The following DLGAP2 variants were observed in gnomAD, a reference collection of about 807,000 sequenced individuals.
DLGAP2 encodes DLG associated protein 2.
Under a neutral mutation model 100.3 loss-of-function variants are expected in DLGAP2, and 26 were observed. The observed-to-expected ratio is 0.26, with a 90% CI of 0.19 to 0.36. The LOEUF (loss-of-function observed/expected upper bound fraction) is 0.36. DLGAP2 is among the 10% of genes least tolerant of loss of function. The pLI is 1.00. For missense variants in DLGAP2, 1,858 were observed against 1,453.2 expected, an observed-to-expected ratio of 1.28 and a Z score of -4.53; for synonymous variants, 886 against 630.1, an observed-to-expected ratio of 1.41 and a Z score of -6.08.
At chr8:1,253,688 T>G (rs950422458) in intron 2 of DLGAP2, among the ~76,000 whole-genome samples, 1 of 152,110 alleles carries the variant, frequency 6.6e-6, no homozygotes, top group African/African-American at 2.4e-5. Flanking sequence ...CACAAAACCA[T>G]CAGACAGATT....
At chr8:1,381,025 A>G (rs999409213) in intron 3 of DLGAP2, 2 of 150,682 alleles carry the variant, frequency 1.3e-5, no homozygotes, top group African/African-American at 2.4e-5. Flanking sequence ...TTTATATTTT[A>G]CTTAAATAAT....
intron 2 of DLGAP2, among the ~76,000 whole-genome samples, chr8:1,212,727 G>A (rs1341798356): frequency 6.6e-6 from 1 of 151,600 alleles, no homozygotes; most frequent in Admixed American, 6.6e-5. Flanking sequence ...TATTTTTCCA[G>A]TACCTTTTTG....
intron 2 of DLGAP2, among the ~76,000 whole-genome samples, chr8:1,146,978 C>T (rs1404002795): frequency 6.6e-6 from 1 of 152,182 alleles, no homozygotes; most frequent in Non-Finnish European, 1.5e-5. Flanking sequence ...TGTTCCAACC[C>T]TGCATTTCCA....
intron 3 of DLGAP2, among the ~76,000 whole-genome samples, chr8:1,482,348 A>G (rs1438296006): frequency 1.3e-5 from 2 of 152,192 alleles, no homozygotes; most frequent in African/African-American, 4.8e-5. Flanking sequence ...TCAGAGTTCT[A>G]ATCTCCACCC....
At chr8:1,465,592 C>A (rs1798604681) in intron 3 of DLGAP2, among the ~76,000 whole-genome samples, 2 of 152,228 alleles carry the variant, frequency 1.3e-5, no homozygotes, top group Admixed American at 6.5e-5. Flanking sequence ...CCTCCAGGAA[C>A]CTCCACGGGT....
chr8:1,311,568 G>C (rs73670727), intron 3 of DLGAP2, among the ~76,000 whole-genome samples: 39 of 152,132 alleles, frequency 2.6e-4, no homozygotes, highest in African/African-American at 8.7e-4. Flanking sequence ...GTATTAAAAG[G>C]TTTAGACTTG....
At chr8:901,675 G>C (rs1413731265) in intron 1 of DLGAP2, among the ~76,000 whole-genome samples, 3 of 152,200 alleles carry the variant, frequency 2.0e-5, no homozygotes, top group East Asian at 1.9e-4. Flanking sequence ...AGTTGAAACT[G>C]TTTGATCAGT....
intron 1 of DLGAP2, among the ~76,000 whole-genome samples, chr8:828,989 A>C (rs1206526441): frequency 6.6e-6 from 1 of 152,142 alleles, no homozygotes; most frequent in Non-Finnish European, 1.5e-5. Context: ...ACTGGCTTTT[A>C]GTTAGGGTTT....
chr8:769,825 C>A (rs891194968), intron 1 of DLGAP2, among the ~76,000 whole-genome samples: 1 of 152,120 alleles, frequency 6.6e-6, no homozygotes, highest in African/African-American at 2.4e-5. Context: ...CATCCACAGG[C>A]CCCTAGAGCA....
chr8:752,489 G>A (rs892744088), intron 1 of DLGAP2, among the ~76,000 whole-genome samples: 1 of 152,174 alleles, frequency 6.6e-6, no homozygotes, highest in Non-Finnish European at 1.5e-5. Context: ...GAGGCCTGAT[G>A]GCAGGGCCCG....
intron 2 of DLGAP2, among the ~76,000 whole-genome samples, chr8:1,010,389 A>T (rs1348323450): frequency 1.3e-5 from 2 of 152,272 alleles, no homozygotes; most frequent in Admixed American, 1.3e-4. Context: ...GCACAGTCAG[A>T]TATCACAGTT....
At chr8:1,306,398 T>C (rs1017241340) in intron 3 of DLGAP2, among the ~76,000 whole-genome samples, 2 of 152,124 alleles carry the variant, frequency 1.3e-5, no homozygotes, top group Non-Finnish European at 2.9e-5. Context: ...AGAGAGGCTG[T>C]ACACTGAAAA....
In DLGAP2 at chr8:802,893, T is replaced by G. The variant is rs939546063; in HGVS notation, c.18+65068T>G. 1.3e-4 allele frequency among the ~76,000 whole-genome samples: 20 copies of G among 152,292 alleles called. No individual in the cohort carries two copies. In the East Asian group the frequency reaches 3.9e-3, roughly 29 times the overall value. On this transcript the variant is annotated intron_variant, in intron 1 of 14. Coordinates refer to ENST00000637795, the MANE Select transcript of DLGAP2 (RefSeq NM_001346810.2). ...AGACTCCGAGCAGAGTGGACAGTGC[T>G]GTGTCCAGGAGGGGGTGTGATTTTA...
At chr8:1,426,102 G>C (rs1190339567) in intron 3 of DLGAP2, among the ~76,000 whole-genome samples, 1 of 152,146 alleles carries the variant, frequency 6.6e-6, no homozygotes, top group Admixed American at 6.5e-5. Context: ...GTCAGGGTAG[G>C]GCAAGAGGAG....
At chr8:1,335,940 C>T (rs1279229815) in intron 3 of DLGAP2, among the ~76,000 whole-genome samples, 2 of 151,924 alleles carry the variant, frequency 1.3e-5, no homozygotes, top group African/African-American at 2.4e-5. Flanking sequence ...CGCGTGGTGA[C>T]GCGGGAGGCA....
At chr8:1,486,784 G>C (rs773304008) in intron 3 of DLGAP2, among the ~76,000 whole-genome samples, 1 of 152,220 alleles carries the variant, frequency 6.6e-6, no homozygotes, top group African/African-American at 2.4e-5. Context: ...GGCAACATGA[G>C]AATCATGCAT....
chr8:1,309,531 A>G (rs998601177), intron 3 of DLGAP2, among the ~76,000 whole-genome samples: 1 of 152,236 alleles, frequency 6.6e-6, no homozygotes, highest in Admixed American at 6.5e-5. Context: ...AGGAGGAAGT[A>G]AGACATTCCC....
rs1467438870 is a variant in DLGAP2 at position 1,683,856 on chromosome 8, A to ATATG, written c.2704+5228_2704+5229insATGT. Among the ~76,000 whole-genome samples the ATATG allele has an allele frequency of 2.1e-3, 128 of 62,238 alleles. 2 individuals carry two copies. Among genetic ancestry groups the ATATG allele is most frequent in the East Asian group, 7.6e-3 (13 of 1,712 alleles). The allele number at this position is 62,238 out of a possible 152,430, so 40.8% of individuals were successfully genotyped here. ...CCACTATATATATATATATATATATATGTGTGTGTGTGTGTGTGTGTGTGT... is the reference window on the plus strand; with the variant it reads ...CCACTATATATATATATATATATATATATGTGTGTGTGTGTGTGTGTGTGTGTGT... On this transcript the variant is annotated intron_variant, in intron 12 of 14. Transcript: ENST00000637795.
intron 3 of DLGAP2, among the ~76,000 whole-genome samples, chr8:1,342,223 A>C (rs1416376624): frequency 6.6e-6 from 1 of 152,088 alleles, no homozygotes; most frequent in Non-Finnish European, 1.5e-5. Context: ...CTGGGATTAC[A>C]GGTGTGAGCC....
Sources: allele counts gnomAD v4.1 joint callset (sites outside exome capture counted in the v4.1 genomes callset), GRCh38; gene constraint gnomAD v4.1.1; transcripts MANE v1.5; gene names NCBI Gene and HGNC (gene_info 2026-07-23, HGNC 2026-07-21).